Variants in PHACTR1 observed in about 807,000 individuals in gnomAD.
PHACTR1 encodes RPEL repeat containing 1.
Under a neutral mutation model 69.2 loss-of-function variants are expected in PHACTR1, and 16 were observed. That is an observed-to-expected ratio of 0.23 (90% CI 0.16 to 0.35). PHACTR1 has a LOEUF of 0.35. Ranked by LOEUF, PHACTR1 falls within the 10% of genes least tolerant of loss-of-function variation. The probability of loss-of-function intolerance (pLI) is 1.00; values close to 1 mark genes in which losing one functional copy is unlikely to be tolerated. For missense variants in PHACTR1, 510 were observed against 734.7 expected, an observed-to-expected ratio of 0.69 and a Z score of 3.54; for synonymous variants, 312 against 284.5, an observed-to-expected ratio of 1.10 and a Z score of -0.97.
intron 6 of PHACTR1, among the ~76,000 whole-genome samples, chr6:13,163,562 A>G (rs1226706201): frequency 6.6e-6 from 1 of 152,120 alleles, no homozygotes; most frequent in African/African-American, 2.4e-5. Context: ...TAAAATGAAA[A>G]CTTCGTTGCA....
intron 6 of PHACTR1, among the ~76,000 whole-genome samples, chr6:13,182,211 C>T (rs905662465): frequency 6.6e-6 from 1 of 152,080 alleles, no homozygotes; most frequent in African/African-American, 2.4e-5. Context: ...CCAGCCTGGG[C>T]AACAAGAGTG....
chr6:12,818,924 G>A (rs188508036), intron 4 of PHACTR1, among the ~76,000 whole-genome samples: 25 of 152,326 alleles, frequency 1.6e-4, no homozygotes, highest in Admixed American at 5.2e-4. Flanking sequence ...TCAAGAAAAT[G>A]CAGGCATAGG....
At chr6:13,188,195 A>G (rs192782702) in intron 7 of PHACTR1, among the ~76,000 whole-genome samples, 2 of 152,352 alleles carry the variant, frequency 1.3e-5, no homozygotes, top group Admixed American at 6.5e-5. Context: ...TAAACATGAT[A>G]AAGTAAGACA....
chr6:12,784,820 T>C (rs1384192311), intron 4 of PHACTR1, among the ~76,000 whole-genome samples: 2 of 152,020 alleles, frequency 1.3e-5, no homozygotes, highest in African/African-American at 4.8e-5. Flanking sequence ...ATTCAAGTGA[T>C]TCTCCTGCCT....
chr6:12,915,562 C>T (rs1425416545), intron 4 of PHACTR1, among the ~76,000 whole-genome samples: 3 of 149,746 alleles, frequency 2.0e-5, no homozygotes, highest in Non-Finnish European at 3.0e-5. Context: ...CTTCTTCCTG[C>T]AATGTCCCTC....
At chr6:13,188,026 G>A (rs988470300) in intron 7 of PHACTR1, among the ~76,000 whole-genome samples, 7 of 152,142 alleles carry the variant, frequency 4.6e-5, no homozygotes, top group African/African-American at 1.2e-4. Context: ...ATGAGAGACC[G>A]AAGATATCTC....
At chr6:13,226,739 ATT>A (rs34995550) in intron 8 of PHACTR1, among the ~76,000 whole-genome samples, 1,657 of 141,202 alleles carry the variant, frequency 0.012, 8 homozygotes, top group South Asian at 0.036. Context: ...ACTTGTATAG[ATT>A]TTTTTTTTTT....
At chr6:13,190,983 C>A (rs147059476) in intron 7 of PHACTR1, among the ~76,000 whole-genome samples, 1 of 152,188 alleles carries the variant, frequency 6.6e-6, no homozygotes, top group African/African-American at 2.4e-5. Flanking sequence ...TTATAGCTAT[C>A]TCTCTAGTTT....
intron 8 of PHACTR1, among the ~76,000 whole-genome samples, chr6:13,213,707 C>A (rs997329885): frequency 1.3e-5 from 2 of 152,214 alleles, no homozygotes; most frequent in Non-Finnish European, 1.5e-5. Flanking sequence ...AGCATAAAGC[C>A]CTCTTGGCCT....
chr6:13,032,705 C>T (rs1391090141), intron 4 of PHACTR1, among the ~76,000 whole-genome samples: 4 of 151,938 alleles, frequency 2.6e-5, no homozygotes, highest in Non-Finnish European at 5.9e-5. Context: ...CAGCCTTGAA[C>T]TCTGAGCTTA....
At chr6:13,274,602 A>C (rs1443667566) in intron 11 of PHACTR1, 2 of 152,258 alleles carry the variant, frequency 1.3e-5, no homozygotes, top group Admixed American at 1.3e-4. Flanking sequence ...TTCAGAAAAT[A>C]GTGCTTATCA....
At chr6:12,789,247 G>C (rs1287611815) in intron 4 of PHACTR1, among the ~76,000 whole-genome samples, 1 of 152,104 alleles carries the variant, frequency 6.6e-6, no homozygotes, top group Admixed American at 6.5e-5. Context: ...GCAACATTTT[G>C]TACTACAGAC....
intron 4 of PHACTR1, among the ~76,000 whole-genome samples, chr6:13,039,079 G>A (rs1305522269): frequency 6.6e-6 from 1 of 152,162 alleles, no homozygotes. Flanking sequence ...TTTTAGTAGG[G>A]CAAAAAATCA....
intron 4 of PHACTR1, among the ~76,000 whole-genome samples, chr6:12,762,954 C>T (rs1037299158): frequency 2.0e-4 from 30 of 152,168 alleles, no homozygotes; most frequent in African/African-American, 7.2e-4. Context: ...TGACTCACGC[C>T]TGGAATCCCA....
intron 5 of PHACTR1, among the ~76,000 whole-genome samples, chr6:13,075,092 A>G (rs1583244029): frequency 6.6e-6 from 1 of 152,230 alleles, no homozygotes; most frequent in East Asian, 1.9e-4. Context: ...TAATTACAAA[A>G]GACATTTTCA....
intron 10 of PHACTR1, among the ~76,000 whole-genome samples, chr6:13,235,436 A>T (rs915097689): frequency 6.6e-6 from 1 of 152,232 alleles, no homozygotes; most frequent in Non-Finnish European, 1.5e-5. Context: ...AGTATTAAAA[A>T]ATTAGACACA....
chr6:12,733,712 A>T (rs982945769), intron 3 of PHACTR1, among the ~76,000 whole-genome samples: 2 of 152,214 alleles, frequency 1.3e-5, no homozygotes, highest in African/African-American at 4.8e-5. Flanking sequence ...TTTGCAAGTA[A>T]CCAAGCTCAA....
intron 4 of PHACTR1, 138 bp downstream of exon 4, chr6:12,749,928 C>T: frequency 1.2e-6 from 1 of 813,496 alleles, no homozygotes; most frequent in Non-Finnish European, 1.8e-6. Flanking sequence ...CTTTGTGTCT[C>T]CGGTGCGCAG....
At chr6:12,925,366 C>T (rs1014359682) in intron 4 of PHACTR1, among the ~76,000 whole-genome samples, 5 of 152,092 alleles carry the variant, frequency 3.3e-5, no homozygotes, top group Admixed American at 3.3e-4. Flanking sequence ...ATATTTTGGA[C>T]CCTGTTCATC....
Sources: gnomAD v4.1 joint callset for allele counts (sites outside exome capture counted in the v4.1 genomes callset) on GRCh38, gnomAD v4.1.1 for gene constraint, MANE v1.5 for transcripts, NCBI Gene and HGNC (gene_info 2026-07-23, HGNC 2026-07-21) for gene names.